The following FSTL4 variants were observed in gnomAD, a reference collection of about 807,000 sequenced individuals.
FSTL4 encodes follistatin like 4, also known as follistatin-related protein 4.
In FSTL4, 28 loss-of-function variants were observed where a neutral mutation model predicts 78.2. The observed-to-expected ratio is 0.36, with a 90% CI of 0.27 to 0.49. The LOEUF is 0.49. Ranked by LOEUF, FSTL4 falls within the 20% of genes least tolerant of loss-of-function variation. FSTL4 has a pLI of 0.98. For synonymous variants in FSTL4, 422 were observed against 440.5 expected (o/e 0.96, Z 0.53); for missense variants, 922 against 1,084.9 (o/e 0.85, Z 2.11).
chr5:133,278,020 G>A (rs916286994), intron 6 of FSTL4, among the ~76,000 whole-genome samples: 1 of 152,196 alleles, frequency 6.6e-6, no homozygotes. Context: ...CACAATAGCA[G>A]GAGGGTGAGC....
intron 4 of FSTL4, among the ~76,000 whole-genome samples, chr5:133,344,426 C>T (rs1754653663): frequency 1.3e-5 from 2 of 152,056 alleles, no homozygotes; most frequent in Admixed American, 6.6e-5. Context: ...ATGATGTAAC[C>T]CTCATCCATG....
intron 3 of FSTL4, among the ~76,000 whole-genome samples, chr5:133,563,671 C>T (rs1316348036): frequency 2.6e-5 from 4 of 152,240 alleles, no homozygotes; most frequent in African/African-American, 7.2e-5. Context: ...TCTTCCTGGG[C>T]TCTCTAGGGC....
intron 6 of FSTL4, among the ~76,000 whole-genome samples, chr5:133,306,801 G>A (rs1045113847): frequency 6.6e-6 from 1 of 152,200 alleles, no homozygotes; most frequent in Non-Finnish European, 1.5e-5. Flanking sequence ...CCCATGCTGA[G>A]CAGGAGTGCA....
At chr5:133,416,897 A>C (rs1756589255) in intron 3 of FSTL4, among the ~76,000 whole-genome samples, 1 of 152,254 alleles carries the variant, frequency 6.6e-6, no homozygotes, top group Admixed American at 6.5e-5. Context: ...TATCGAGGAC[A>C]TATTAAGACA....
At chr5:133,751,662 G>C in the FSTL4 span, among the ~76,000 whole-genome samples, 1 of 152,240 alleles carries the variant, frequency 6.6e-6, no homozygotes, top group African/African-American at 2.4e-5. Context: ...GATGGAGGGG[G>C]AGGGAGCACG....
chr5:133,306,114 C>T (rs886606528), intron 6 of FSTL4, among the ~76,000 whole-genome samples: 1 of 152,208 alleles, frequency 6.6e-6, no homozygotes, highest in African/African-American at 2.4e-5. Context: ...AAATACAAAC[C>T]CATATTCTAT....
the FSTL4 span, among the ~76,000 whole-genome samples, chr5:133,708,913 T>C: frequency 6.6e-6 from 1 of 152,120 alleles, no homozygotes; most frequent in Non-Finnish European, 1.5e-5. Flanking sequence ...ACCAATTCCA[T>C]GAGAGCAAGG....
At chr5:133,617,569 T>C in the FSTL4 span, among the ~76,000 whole-genome samples, 1 of 152,166 alleles carries the variant, frequency 6.6e-6, no homozygotes, top group African/African-American at 2.4e-5. Flanking sequence ...CAAGTCTTCT[T>C]TGAAGATACT....
chr5:133,665,199 A>T, the FSTL4 span, among the ~76,000 whole-genome samples: 1 of 152,096 alleles, frequency 6.6e-6, no homozygotes. Flanking sequence ...TTTAGGATAG[A>T]CTCTGCCATG....
chr5:133,467,230 G>A (rs887442905), intron 3 of FSTL4, among the ~76,000 whole-genome samples: 1 of 150,740 alleles, frequency 6.6e-6, no homozygotes, highest in African/African-American at 2.5e-5. Context: ...GGGTGTATAT[G>A]AGCATGTGTG....
chr5:133,499,874 G>A (rs1758453276), intron 3 of FSTL4, among the ~76,000 whole-genome samples: 1 of 152,124 alleles, frequency 6.6e-6, no homozygotes, highest in South Asian at 2.1e-4. Context: ...TATTTTGCTT[G>A]ACATTCATTT....
chr5:133,451,336 G>A (rs949107750), intron 3 of FSTL4, among the ~76,000 whole-genome samples: 1 of 152,046 alleles, frequency 6.6e-6, no homozygotes, highest in East Asian at 1.9e-4. Context: ...AGAGGCGTGC[G>A]GATTACCTGA....
rs1754320228 is a variant in FSTL4, at chr5:133,330,540, C to T, written c.410-13888G>A. ...GGTGCCAAGCCATTCATGAGAATCC[C>T]ACCCCCATGATCCAATCACCTCCTA... On this transcript the variant is annotated intron_variant, in intron 4 of 15. Transcript: ENST00000265342. Among the ~76,000 whole-genome samples the T allele has an allele frequency of 2.0e-5, 3 of 152,270 alleles. No individual in the cohort carries two copies. In the South Asian group the frequency reaches 6.2e-4, roughly 32 times the overall value.
chr5:133,448,926 AGATGTTTAATGGC>A (rs1757326069), intron 3 of FSTL4, among the ~76,000 whole-genome samples: 2 of 152,296 alleles, frequency 1.3e-5, no homozygotes, highest in South Asian at 2.1e-4. Flanking sequence ...ATTCTCACCC[AGATGTTTAATGGC>A]GATTGACTAA....
chr5:133,608,489 G>A (rs999205198), intron 1 of FSTL4, among the ~76,000 whole-genome samples: 4 of 152,222 alleles, frequency 2.6e-5, no homozygotes, highest in Non-Finnish European at 4.4e-5. Flanking sequence ...GGACAAATCA[G>A]TGGCTAGGCC....
intron 10 of FSTL4, 37 bp from the exon 11 acceptor site, chr5:133,224,253 T>C (rs747862467): frequency 1.9e-6 from 3 of 1,583,142 alleles, no homozygotes; most frequent in South Asian, 1.1e-5. Context: ...AGGAGTGTGA[T>C]GGAGTCAAGG....
At chr5:133,818,931 C>A in the FSTL4 span, among the ~76,000 whole-genome samples, 10 of 61,782 alleles carry the variant, frequency 1.6e-4, 1 homozygote, top group East Asian at 6.6e-4. Context: ...TTAGAAGATA[C>A]TATATATATA....
chr5:133,461,066 G>T (rs919640242), intron 3 of FSTL4, among the ~76,000 whole-genome samples: 1 of 152,154 alleles, frequency 6.6e-6, no homozygotes, highest in Non-Finnish European at 1.5e-5. Context: ...ATACTCCTGT[G>T]GAAAAAAATG....
At chr5:133,383,188 C>A (rs575651431) in intron 4 of FSTL4, among the ~76,000 whole-genome samples, 1 of 152,348 alleles carries the variant, frequency 6.6e-6, no homozygotes, top group South Asian at 2.1e-4. Context: ...CCACATCCTG[C>A]ACTTCCTCCT....
Sources: allele counts gnomAD v4.1 joint callset (sites outside exome capture counted in the v4.1 genomes callset), GRCh38; gene constraint gnomAD v4.1.1; transcripts MANE v1.5; gene names NCBI Gene and HGNC (gene_info 2026-07-23, HGNC 2026-07-21).